Variants in KANK2 observed in about 807,000 individuals in gnomAD.
KANK2 encodes the protein KN motif and ankyrin repeat domains 2, also known as KN motif and ankyrin repeat domain-containing protein 2.
KANK2 carries 41 observed loss-of-function variants against 74.6 expected under a neutral mutation model. That is an observed-to-expected ratio of 0.55 (90% CI 0.43 to 0.71). The LOEUF (loss-of-function observed/expected upper bound fraction) is 0.71, where lower values mean the gene tolerates loss of function less well. Among genes scored for constraint, KANK2 ranks in the 30% least tolerant of loss-of-function variants. KANK2 has a pLI of 0.00. For synonymous variants in KANK2, 537 were observed against 519.0 expected (o/e 1.03, Z -0.47); for missense variants, 1,148 against 1,196.4 (o/e 0.96, Z 0.60).
intron 12 of KANK2, among the ~76,000 whole-genome samples, chr19:11,167,222 C>T (rs1462638256): frequency 3.3e-5 from 5 of 151,982 alleles, no homozygotes; most frequent in Admixed American, 1.3e-4. Context: ...GGCGCCACCA[C>T]GCCCGGCTAA....
At chr19:11,167,085 G>A (rs2078043898) in intron 12 of KANK2, among the ~76,000 whole-genome samples, 1 of 152,096 alleles carries the variant, frequency 6.6e-6, no homozygotes, top group Non-Finnish European at 1.5e-5. Flanking sequence ...TTTTTTTTGA[G>A]ACAGAGTTTC....
At chr19:11,182,840 C>CAAAAAAAAAA (rs36229477) in intron 4 of KANK2, among the ~76,000 whole-genome samples, 2 of 62,964 alleles carry the variant, frequency 3.2e-5, no homozygotes, top group East Asian at 4.5e-4. Flanking sequence ...CAGACTGCCT[C>CAAAAAAAAAA]AAAAAAAAAA....
chr19:11,187,371 A>C (rs1014481945), intron 4 of KANK2, among the ~76,000 whole-genome samples: 1 of 152,188 alleles, frequency 6.6e-6, no homozygotes, highest in African/African-American at 2.4e-5. Flanking sequence ...AAACAGAAAG[A>C]GATTTTTTTC....
At chr19:11,171,454 TA>T (rs2078170204) in intron 10 of KANK2, among the ~76,000 whole-genome samples, 1 of 137,972 alleles carries the variant, frequency 7.2e-6, no homozygotes, top group Non-Finnish European at 1.6e-5. Flanking sequence ...CTCAAAAAAA[TA>T]AAAAATAGAG....
intron 4 of KANK2, among the ~76,000 whole-genome samples, chr19:11,188,324 T>C (rs1390703076): frequency 6.6e-6 from 1 of 151,976 alleles, no homozygotes; most frequent in East Asian, 1.9e-4. Context: ...TTCTCCTGTC[T>C]CAGCTTCCCA....
intron 10 of KANK2, among the ~76,000 whole-genome samples, chr19:11,171,438 C>T (rs572563133): frequency 6.6e-6 from 1 of 151,248 alleles, no homozygotes; most frequent in South Asian, 2.1e-4. Flanking sequence ...CACAGTGAGA[C>T]CCTGTCTCAA....
intron 10 of KANK2, among the ~76,000 whole-genome samples, chr19:11,171,880 TGATTAGGCTG>T (rs2078184125): frequency 6.6e-6 from 1 of 150,598 alleles, no homozygotes; most frequent in South Asian, 2.1e-4. Context: ...TTCACCATGT[TGATTAGGCTG>T]GTCTCAAACT....
intron 4 of KANK2, among the ~76,000 whole-genome samples, chr19:11,186,889 C>G (rs960112805): frequency 1.3e-5 from 2 of 152,090 alleles, no homozygotes; most frequent in East Asian, 3.9e-4. Context: ...CAGAAGGGGT[C>G]GTGTGAAGAT....
At chr19:11,177,937 C>T (rs1312948296) in intron 6 of KANK2, among the ~76,000 whole-genome samples, 1 of 152,136 alleles carries the variant, frequency 6.6e-6, no homozygotes, top group Non-Finnish European at 1.5e-5. Flanking sequence ...TCTCCTCCTT[C>T]TGGGACTCCC....
At position 11,172,937 on chromosome 19, in the gene KANK2, G is replaced by A. The variant is rs149228688; in HGVS notation, c.2211+44C>T. 1.8e-5 allele frequency: 28 copies of A among 1,597,264 alleles called. No homozygotes were observed. In the African/African-American group the frequency reaches 3.6e-4, roughly 21 times the overall value. ...TGTCACTCAGCTGGGATGTCATAAA[G>A]TAGGAAGAGCCACCTGGATCTGCAG... On this transcript the variant is annotated intron_variant, in intron 10 of 12. Transcript: ENST00000586659.
chr19:11,194,072 G>GAATCC, intron 3 of KANK2, 30 bp from the exon 4 acceptor site: 3 of 1,569,644 alleles, frequency 1.9e-6, no homozygotes, highest in Non-Finnish European at 2.6e-6. Flanking sequence ...CAGGACCTTT[G>GAATCC]AATCCTCTTG....
At chr19:11,197,561 G>C (rs1313412732), upstream of KANK2, 1 of 151,524 alleles carries the variant, frequency 6.6e-6, no homozygotes, top group Non-Finnish European at 1.5e-5. Context: ...CTGGGCGCCC[G>C]GCCCTCGGAG....
In KANK2 at chr19:11,169,973, A is replaced by C. The variant is rs1940173193; in HGVS notation, c.2413-7T>G. The C allele has an allele frequency of 1.9e-6, 3 of 1,614,066 alleles. No individual in the cohort carries two copies. The African/African-American group carries it at 4.0e-5, about 22-fold the overall frequency. On this transcript the variant is annotated splice_region_variant and splice_polypyrimidine_tract_variant and intron_variant, in intron 11 of 12. Transcript: ENST00000586659. The stretch of plus-strand genomic sequence containing the variant: ...TCAGAGCTGTGCTCCCATCCTGCAA[A>C]GTATCCGGTGCTATGAATGACGTCC...
intron 12 of KANK2, among the ~76,000 whole-genome samples, chr19:11,167,275 G>A (rs1189759661): frequency 6.6e-6 from 1 of 152,114 alleles, no homozygotes; most frequent in East Asian, 1.9e-4. Flanking sequence ...ATGTTGGTCA[G>A]TCTGGTCTCA....
chr19:11,188,172 T>C (rs1841929174), intron 4 of KANK2, among the ~76,000 whole-genome samples: 1 of 151,918 alleles, frequency 6.6e-6, no homozygotes, highest in African/African-American at 2.4e-5. Context: ...AGGAATGAGA[T>C]GAACTCAGTT....
intron 4 of KANK2, among the ~76,000 whole-genome samples, chr19:11,182,829 T>C (rs1228808788): frequency 9.2e-6 from 1 of 108,956 alleles, no homozygotes; most frequent in African/African-American, 3.8e-5. Context: ...GGTGACAGAG[T>C]CAGACTGCCT....
chr19:11,194,612 G>C lies in KANK2; in HGVS notation c.-79-22C>G. ...TTACCTGGGGAAAGAGAACCACGGC[G>C]CCGGGAGTTAGGAGTCTGTAGGGGG... On this transcript the variant is annotated intron_variant, in intron 2 of 12. Coordinates refer to ENST00000586659, the MANE Select transcript of KANK2 (RefSeq NM_001136191.3). The C allele has an allele frequency of 3.1e-6, 3 of 957,600 alleles. No individual in the cohort carries two copies. The South Asian group carries it at 3.9e-5, about 12-fold the overall frequency. 59.3% of individuals were successfully genotyped at this position (957,600 alleles called of 1,614,324 possible). A position where few individuals can be genotyped will look rare whatever the true frequency, so the allele number is the denominator to read the frequency against.
At position 11,174,671 on chromosome 19, in the gene KANK2, G is replaced by A; in HGVS notation, c.1870C>T (p.Leu624=). 6.2e-7 allele frequency: 1 copy of A among 1,607,100 alleles called. No individual in the cohort carries two copies. Among genetic ancestry groups the A allele is most frequent in the Non-Finnish European group, 8.5e-7 (1 of 1,177,600 alleles). ...RELKVAYTTV[L]QEWLRLACRS... is the part of the protein sequence containing the mutation. Reference sequence around the variant, plus strand: ...CAGGCCAGGCGCAGCCACTCCTGCAGCACTGTGGTGTAGGCCACTTTCTGC... The same window carrying A: ...CAGGCCAGGCGCAGCCACTCCTGCAACACTGTGGTGTAGGCCACTTTCTGC... Residue 624 remains leucine (L), a synonymous_variant, in exon 9 of 13, where the codon CTG becomes TTG. Coordinates refer to ENST00000586659, the MANE Select transcript of KANK2 (RefSeq NM_001136191.3).
chr19:11,187,640 C>A (rs187480687), intron 4 of KANK2, among the ~76,000 whole-genome samples: 12 of 152,288 alleles, frequency 7.9e-5, no homozygotes, highest in African/African-American at 2.9e-4. Context: ...CAGGGTCCTG[C>A]AAATAAAGTT....
Sources: gnomAD v4.1 joint callset for allele counts (sites outside exome capture counted in the v4.1 genomes callset) on GRCh38, gnomAD v4.1.1 for gene constraint, MANE v1.5 for transcripts, NCBI Gene and HGNC (gene_info 2026-07-23, HGNC 2026-07-21) for gene names.